RBFOX1: variants seen among roughly 807,000 people sequenced by gnomAD.
The protein encoded by RBFOX1 is RNA binding fox-1 homolog 1, also known as RNA binding protein fox-1 homolog 1.
A neutral mutation model predicts 57.7 loss-of-function variants in RBFOX1; 8 were observed. The observed-to-expected ratio is 0.14, with a 90% CI of 0.08 to 0.25. RBFOX1 has a LOEUF of 0.25. RBFOX1 is among the 10% of genes least tolerant of loss of function. The pLI is 1.00. For missense variants in RBFOX1, 611 were observed against 548.5 expected (o/e 1.11, Z -1.14); for synonymous variants, 326 against 222.4 (o/e 1.47, Z -4.15).
chr16:5,636,995 A>T (rs2048703998), intron 3 of RBFOX1, among the ~76,000 whole-genome samples: 1 of 152,154 alleles, frequency 6.6e-6, no homozygotes, highest in African/African-American at 2.4e-5. Context: ...TTCTTGTGGG[A>T]GTTCGGGCCC....
intron 4 of RBFOX1, among the ~76,000 whole-genome samples, chr16:5,934,802 A>G (rs1483550648): frequency 6.6e-6 from 1 of 152,188 alleles, no homozygotes; most frequent in Non-Finnish European, 1.5e-5. Context: ...TGAATAACAT[A>G]CTCAGACACT....
chr16:7,245,258 ATTTTC>A (rs1397394701), intron 4 of RBFOX1, among the ~76,000 whole-genome samples: 11 of 152,096 alleles, frequency 7.2e-5, no homozygotes, highest in Non-Finnish European at 1.0e-4. Context: ...ATTTTGAGTA[ATTTTC>A]TTTGAGAGCT....
At chr16:7,351,327 C>G (rs1279655739) in intron 4 of RBFOX1, among the ~76,000 whole-genome samples, 1 of 152,242 alleles carries the variant, frequency 6.6e-6, no homozygotes, top group Non-Finnish European at 1.5e-5. Flanking sequence ...TACGCATTGA[C>G]TGGTTAGTTC....
At chr16:7,053,426 C>G (rs984546754) in intron 4 of RBFOX1, among the ~76,000 whole-genome samples, 5 of 152,102 alleles carry the variant, frequency 3.3e-5, no homozygotes. Flanking sequence ...CTGGTTCATC[C>G]TGTTAAATAA....
At chr16:5,614,974 G>T (rs1429183937) in intron 3 of RBFOX1, among the ~76,000 whole-genome samples, 6 of 152,170 alleles carry the variant, frequency 3.9e-5, no homozygotes, top group African/African-American at 1.2e-4. Context: ...GATGGGTGGG[G>T]TCAGAGCTTT....
At chr16:5,403,812 T>G (rs541554386) in intron 1 of RBFOX1, among the ~76,000 whole-genome samples, 1 of 152,120 alleles carries the variant, frequency 6.6e-6, no homozygotes, top group Non-Finnish European at 1.5e-5. Flanking sequence ...ATTCAGTGAT[T>G]TCCTGCCTCA....
intron 1 of RBFOX1, among the ~76,000 whole-genome samples, chr16:5,456,691 C>G (rs922001866): frequency 3.9e-5 from 6 of 152,138 alleles, no homozygotes; most frequent in Admixed American, 3.9e-4. Context: ...TTGGATACCT[C>G]TCTTCTCTTG....
chr16:6,548,891 C>T (rs770947133), intron 2 of RBFOX1, among the ~76,000 whole-genome samples: 3 of 151,900 alleles, frequency 2.0e-5, no homozygotes, highest in African/African-American at 2.4e-5. Flanking sequence ...GCCTGGCCAA[C>T]ATGGCGAAAC....
chr16:5,263,570 A>G lies in RBFOX1; in HGVS notation c.219+23465A>G, dbSNP rs369413381. Reference sequence around the variant, plus strand: ...AAATGAGGAGTGAAGGTGGTGAGTCATGGGAGTTCCAAGGGAATGGGTGAT... The same window carrying G: ...AAATGAGGAGTGAAGGTGGTGAGTCGTGGGAGTTCCAAGGGAATGGGTGAT... On this transcript the variant is annotated intron_variant, in intron 1 of 2. Transcript: ENST00000585867. Among the ~76,000 whole-genome samples the G allele has an allele frequency of 6.6e-5, 10 of 152,318 alleles. No individual in the cohort carries two copies. In the East Asian group the frequency reaches 1.5e-3, roughly 24 times the overall value.
At chr16:6,995,476 G>A (rs1289296427) in intron 3 of RBFOX1, among the ~76,000 whole-genome samples, 1 of 152,080 alleles carries the variant, frequency 6.6e-6, no homozygotes, top group Non-Finnish European at 1.5e-5. Flanking sequence ...GAAGAGGAAG[G>A]CTTTGAAGAG....
chr16:7,099,050 A>G (rs554223134), intron 4 of RBFOX1, among the ~76,000 whole-genome samples: 34 of 152,328 alleles, frequency 2.2e-4, no homozygotes, highest in African/African-American at 8.2e-4. Flanking sequence ...TTCACAAACT[A>G]TCCTTGCATA....
rs74488565 is a variant in RBFOX1 at position 5,947,872 on chromosome 16, G to A, written c.351+80537G>A. Among the ~76,000 whole-genome samples, 3,470 of 152,290 alleles carry A rather than the reference G, an allele frequency of 0.023. 44 individuals are homozygous for A. The highest frequency in any genetic ancestry group is 0.037 in the Non-Finnish European group (2,543 of 68,010). On this transcript the variant is annotated intron_variant, in intron 4 of 19. Coordinates refer to the RBFOX1 transcript ENST00000641259. The surrounding 1 kb of genome is among the most constrained non-coding windows in gnomAD (Gnocchi z 7.2). ...ACCTGTTGTAATTACCGGGCCACCCGTAACGGGAGTTTATGTAATTATTAG... is the reference window on the plus strand; with the variant it reads ...ACCTGTTGTAATTACCGGGCCACCCATAACGGGAGTTTATGTAATTATTAG...
At chr16:6,641,531 T>G (rs963246227) in intron 2 of RBFOX1, among the ~76,000 whole-genome samples, 1 of 151,620 alleles carries the variant, frequency 6.6e-6, no homozygotes, top group African/African-American at 2.4e-5. Context: ...GCCCAGGAGT[T>G]TAAGACAAGA....
At chr16:6,108,164 G>T (rs1406253115) in intron 1 of RBFOX1, among the ~76,000 whole-genome samples, 3 of 152,100 alleles carry the variant, frequency 2.0e-5, no homozygotes, top group Admixed American at 1.3e-4. Context: ...TAATATTGGT[G>T]ATACCTAAAT....
chr16:7,425,091 T>C (rs1176309066), intron 4 of RBFOX1, among the ~76,000 whole-genome samples: 1 of 152,186 alleles, frequency 6.6e-6, no homozygotes, highest in Non-Finnish European at 1.5e-5. Context: ...TTTTAAAATA[T>C]GTTTTTTTTC....
intron 4 of RBFOX1, among the ~76,000 whole-genome samples, chr16:7,466,184 G>A (rs369316860): frequency 6.6e-6 from 1 of 152,174 alleles, no homozygotes; most frequent in African/African-American, 2.4e-5. Flanking sequence ...AGCTAGCACA[G>A]TTGTAATTTG....
intron 2 of RBFOX1, among the ~76,000 whole-genome samples, chr16:6,551,279 C>G (rs1435884983): frequency 6.6e-6 from 1 of 152,126 alleles, no homozygotes; most frequent in Non-Finnish European, 1.5e-5. Flanking sequence ...GTGACTGCTG[C>G]CCTCATGGTT....
chr16:5,287,920 G>A (rs1436179632), intron 1 of RBFOX1, among the ~76,000 whole-genome samples: 3 of 152,194 alleles, frequency 2.0e-5, no homozygotes, highest in Non-Finnish European at 2.9e-5. Flanking sequence ...TTAATCATCC[G>A]CAACCCTCTA....
intron 3 of RBFOX1, among the ~76,000 whole-genome samples, chr16:6,772,821 G>A (rs1402058806): frequency 2.7e-5 from 4 of 149,952 alleles, no homozygotes; most frequent in African/African-American, 9.8e-5. Flanking sequence ...GGGTGCATTT[G>A]TGTGTATGTG....
Sources: allele counts gnomAD v4.1 joint callset (sites outside exome capture counted in the v4.1 genomes callset), GRCh38; gene constraint gnomAD v4.1.1; non-coding constraint Gnocchi (gnomAD v3.1); transcripts MANE v1.5; gene names NCBI Gene and HGNC (gene_info 2026-07-23, HGNC 2026-07-21).